SPAG16: variants seen among roughly 807,000 people sequenced by gnomAD.
The protein encoded by SPAG16 is sperm associated antigen 16, also known as sperm-associated antigen 16 protein.
Under a neutral mutation model 80.4 loss-of-function variants are expected in SPAG16, and 86 were observed. The observed-to-expected ratio is 1.07, with a 90% CI of 0.90 to 1.28. The LOEUF is 1.28. Among genes scored for constraint, SPAG16 ranks in the 50% most tolerant of loss-of-function variants. SPAG16 has a pLI of 0.00. For synonymous variants in SPAG16, 294 were observed against 265.9 expected, an observed-to-expected ratio of 1.11 and a Z score of -1.03; for missense variants, 870 against 765.3, an observed-to-expected ratio of 1.14 and a Z score of -1.61.
chr2:213,514,904 C>T, intron 10 of SPAG16, among the ~76,000 whole-genome samples: 1 of 152,000 alleles, frequency 6.6e-6, no homozygotes. Context: ...GTAACCTACA[C>T]ATTTTTCTAG....
intron 15 of SPAG16, among the ~76,000 whole-genome samples, chr2:214,212,104 A>C (rs748752346): frequency 6.6e-6 from 1 of 152,170 alleles, no homozygotes; most frequent in South Asian, 2.1e-4. Context: ...CAGTGAATTC[A>C]CATTACATTT....
intron 15 of SPAG16, among the ~76,000 whole-genome samples, chr2:214,361,590 A>G (rs995340366): frequency 2.0e-5 from 3 of 151,866 alleles, no homozygotes; most frequent in Admixed American, 6.6e-5. Flanking sequence ...CATATAACCA[A>G]TTTTAAAGTT....
intron 10 of SPAG16, among the ~76,000 whole-genome samples, chr2:213,751,664 C>T (rs59323884): frequency 5.9e-5 from 9 of 152,290 alleles, no homozygotes; most frequent in East Asian, 3.9e-4. Context: ...TCTCCCCTGA[C>T]GCACACGCAC....
chr2:213,471,403 G>A (rs952844506), intron 9 of SPAG16, among the ~76,000 whole-genome samples: 2 of 152,264 alleles, frequency 1.3e-5, no homozygotes, highest in South Asian at 4.2e-4. Context: ...AGATGGGTCA[G>A]AAAGCACCCA....
chr2:213,784,626 TAA>T (rs71063777), intron 10 of SPAG16, among the ~76,000 whole-genome samples: 2,845 of 48,142 alleles, frequency 0.059, 13 homozygotes, highest in East Asian at 0.11. Flanking sequence ...CAATTATTTC[TAA>T]AAAAAAAAAA....
intron 10 of SPAG16, among the ~76,000 whole-genome samples, chr2:213,540,914 A>C (rs1056564252): frequency 2.6e-5 from 4 of 152,216 alleles, no homozygotes; most frequent in African/African-American, 9.6e-5. Context: ...GAATGTGAAA[A>C]TCTAGGGAGA....
chr2:213,779,821 GA>G (rs1428635278), intron 10 of SPAG16, among the ~76,000 whole-genome samples: 1 of 152,196 alleles, frequency 6.6e-6, no homozygotes, highest in Non-Finnish European at 1.5e-5. Context: ...CTTAAAAATT[GA>G]AACGTGTTAT....
At chr2:213,945,814 G>C (rs2079428117) in intron 12 of SPAG16, among the ~76,000 whole-genome samples, 1 of 152,036 alleles carries the variant, frequency 6.6e-6, no homozygotes, top group Non-Finnish European at 1.5e-5. Context: ...CCAGCCTCCA[G>C]AACTGTGAGA....
intron 10 of SPAG16, among the ~76,000 whole-genome samples, chr2:213,676,718 T>C (rs2064098817): frequency 6.6e-6 from 1 of 151,264 alleles, no homozygotes; most frequent in Admixed American, 6.6e-5. Context: ...CAGCCTTGCA[T>C]CCCAGGGATG....
chr2:213,848,041 T>A (rs2074719044), intron 10 of SPAG16, among the ~76,000 whole-genome samples: 1 of 152,236 alleles, frequency 6.6e-6, no homozygotes, highest in Non-Finnish European at 1.5e-5. Context: ...AGCTGTGTGA[T>A]TGAGAGACTT....
chr2:214,014,130 C>A, intron 13 of SPAG16, 53 bp downstream of exon 13: 1 of 1,597,730 alleles, frequency 6.3e-7, no homozygotes, highest in East Asian at 2.2e-5. Flanking sequence ...TGATTACTCT[C>A]GGTCATTCTT....
At chr2:213,382,033 T>G (rs908316783) in intron 9 of SPAG16, among the ~76,000 whole-genome samples, 5 of 152,070 alleles carry the variant, frequency 3.3e-5, no homozygotes, top group Admixed American at 6.5e-5. Context: ...CAAACCTGTA[T>G]GGAAATCAGG....
At chr2:213,671,254 G>A (rs1290786997) in intron 10 of SPAG16, among the ~76,000 whole-genome samples, 1 of 152,136 alleles carries the variant, frequency 6.6e-6, no homozygotes, top group Non-Finnish European at 1.5e-5. Flanking sequence ...AAAACATTAA[G>A]GAGAAAATTG....
chr2:213,433,205 A>C (rs1188481614), intron 9 of SPAG16, among the ~76,000 whole-genome samples: 2 of 152,194 alleles, frequency 1.3e-5, no homozygotes, highest in Non-Finnish European at 1.5e-5. Context: ...CAAGACAAGA[A>C]TGTGCACTTT....
chr2:213,895,053 A>G (rs2076942972), intron 11 of SPAG16, among the ~76,000 whole-genome samples: 1 of 151,224 alleles, frequency 6.6e-6, no homozygotes, highest in African/African-American at 2.4e-5. Context: ...GTAAGAATTG[A>G]TAAATGAATT....
chr2:213,294,053 T>G (rs1202032935), intron 1 of SPAG16, among the ~76,000 whole-genome samples: 1 of 152,202 alleles, frequency 6.6e-6, no homozygotes, highest in Non-Finnish European at 1.5e-5. Flanking sequence ...ACTGAATGTT[T>G]GTGCAACGTT....
intron 10 of SPAG16, among the ~76,000 whole-genome samples, chr2:213,860,437 T>A (rs10176542): frequency 1.5e-4 from 20 of 133,604 alleles, no homozygotes; most frequent in South Asian, 9.1e-4. Context: ...ATCTATATAT[T>A]TATAGATATA....
chr2:213,802,274 A>G (rs975389315), intron 10 of SPAG16, among the ~76,000 whole-genome samples: 6 of 152,198 alleles, frequency 3.9e-5, no homozygotes, highest in Non-Finnish European at 7.3e-5. Flanking sequence ...CAATCTGGCC[A>G]AAGAGGAGGT....
intron 12 of SPAG16, among the ~76,000 whole-genome samples, chr2:213,952,096 A>G (rs183295031): frequency 2.5e-4 from 38 of 152,276 alleles, no homozygotes; most frequent in African/African-American, 9.1e-4. Flanking sequence ...TGGAGGTACA[A>G]TGATTCTCTA....
Sources: gnomAD v4.1 joint callset for allele counts (sites outside exome capture counted in the v4.1 genomes callset) on GRCh38, gnomAD v4.1.1 for gene constraint, MANE v1.5 for transcripts, NCBI Gene and HGNC (gene_info 2026-07-23, HGNC 2026-07-21) for gene names.